Variants in KCNAB1 observed in about 807,000 individuals in gnomAD.
KCNAB1 encodes the protein voltage-gated potassium channel subunit beta-1.
KCNAB1 carries 35 observed loss-of-function variants against 64.6 expected under a neutral mutation model. The ratio of observed to expected loss-of-function variants is 0.54; its 90% CI spans 0.41 to 0.72. The LOEUF (loss-of-function observed/expected upper bound fraction) is 0.72, where lower values mean the gene tolerates loss of function less well. Ranked by LOEUF, KCNAB1 falls within the 30% of genes least tolerant of loss-of-function variation. The probability of loss-of-function intolerance (pLI) is 0.00; values close to 1 mark genes in which losing one functional copy is unlikely to be tolerated. For missense variants in KCNAB1, 401 were observed against 512.9 expected (o/e 0.78, Z 2.11); for synonymous variants, 177 against 183.8 (o/e 0.96, Z 0.30).
chr3:156,417,719 G>GAAA (rs200175870), intron 1 of KCNAB1, among the ~76,000 whole-genome samples: 3 of 130,288 alleles, frequency 2.3e-5, no homozygotes, highest in South Asian at 2.5e-4. Flanking sequence ...TGCCTTAAAA[G>GAAA]AAAAAAAAAA....
chr3:156,316,952 T>A (rs498033), intron 1 of KCNAB1, among the ~76,000 whole-genome samples: 1 of 152,084 alleles, frequency 6.6e-6, no homozygotes, highest in East Asian at 1.9e-4. Context: ...AAACCCCGTC[T>A]CAGGGTGGAG....
intron 1 of KCNAB1, among the ~76,000 whole-genome samples, chr3:156,296,850 A>C (rs1720817815): frequency 6.6e-6 from 1 of 152,238 alleles, no homozygotes; most frequent in South Asian, 2.1e-4. Context: ...AAGTTTGCAA[A>C]GAAAAGAAGT....
At chr3:156,246,024 G>A (rs940618318) in intron 1 of KCNAB1, among the ~76,000 whole-genome samples, 3 of 151,996 alleles carry the variant, frequency 2.0e-5, no homozygotes, top group Non-Finnish European at 2.9e-5. Flanking sequence ...TCTCTTCTTG[G>A]AGAGAAAAAT....
At chr3:156,370,377 C>A (rs1465159809) in intron 1 of KCNAB1, among the ~76,000 whole-genome samples, 1 of 152,192 alleles carries the variant, frequency 6.6e-6, no homozygotes, top group Non-Finnish European at 1.5e-5. Flanking sequence ...AAAGTACAAT[C>A]ACTTATAAAA....
chr3:156,298,433 C>T (rs1479257134), intron 1 of KCNAB1, among the ~76,000 whole-genome samples: 1 of 152,168 alleles, frequency 6.6e-6, no homozygotes, highest in East Asian at 1.9e-4. Flanking sequence ...TTTAGAAGTA[C>T]ACTCATTTTA....
intron 8 of KCNAB1, among the ~76,000 whole-genome samples, chr3:156,503,616 T>C (rs1047790918): frequency 1.3e-5 from 2 of 152,176 alleles, no homozygotes; most frequent in African/African-American, 4.8e-5. Flanking sequence ...ACTTGCAAGT[T>C]CTACAAATGG....
chr3:156,379,713 A>G (rs934369118), intron 1 of KCNAB1, among the ~76,000 whole-genome samples: 2 of 152,150 alleles, frequency 1.3e-5, no homozygotes, highest in African/African-American at 4.8e-5. Context: ...ATGGGACTTC[A>G]CCAGCGGGTT....
At chr3:156,253,431 T>C (rs1185214088) in intron 1 of KCNAB1, among the ~76,000 whole-genome samples, 1 of 152,138 alleles carries the variant, frequency 6.6e-6, no homozygotes, top group African/African-American at 2.4e-5. Flanking sequence ...CCTGGGCCTG[T>C]TAGGAGCAGC....
At chr3:156,147,851 C>A (rs1715130555) in intron 1 of KCNAB1, among the ~76,000 whole-genome samples, 1 of 151,872 alleles carries the variant, frequency 6.6e-6, no homozygotes, top group South Asian at 2.1e-4. Context: ...AGGACTAGAA[C>A]CCCTGTCTCT....
chr3:156,325,259 T>C (rs1246224205), intron 1 of KCNAB1, among the ~76,000 whole-genome samples: 1 of 149,852 alleles, frequency 6.7e-6, no homozygotes, highest in Admixed American at 6.6e-5. Flanking sequence ...TTTGTCTGAC[T>C]CTGGGGCTCA....
chr3:156,317,088 TG>T (rs1466995634), intron 1 of KCNAB1, among the ~76,000 whole-genome samples: 2 of 152,192 alleles, frequency 1.3e-5, no homozygotes, highest in Non-Finnish European at 2.9e-5. Context: ...TATTTGGTGG[TG>T]TTTTTCAGTT....
intron 2 of KCNAB1, chr3:156,441,234 T>C (rs112941565): frequency 1.2e-4 from 18 of 152,148 alleles, no homozygotes; most frequent in African/African-American, 4.1e-4. Context: ...TATGTACAGA[T>C]AGAACAAGAG....
At chr3:156,241,602 C>T (rs1412533361) in intron 1 of KCNAB1, among the ~76,000 whole-genome samples, 2 of 152,200 alleles carry the variant, frequency 1.3e-5, no homozygotes, top group East Asian at 3.8e-4. Flanking sequence ...GGTAGAGGGT[C>T]TGTCTCTTGG....
At chr3:156,275,742 A>C (rs552015842) in intron 1 of KCNAB1, among the ~76,000 whole-genome samples, 17 of 152,304 alleles carry the variant, frequency 1.1e-4, no homozygotes, top group African/African-American at 3.6e-4. Flanking sequence ...TCTGACCATG[A>C]GTTGCATCAA....
chr3:156,533,282 T>C (rs917141708), intron 13 of KCNAB1, among the ~76,000 whole-genome samples: 10 of 152,208 alleles, frequency 6.6e-5, no homozygotes, highest in Admixed American at 3.9e-4. Flanking sequence ...GAGGGCTTCA[T>C]GTGCCTTCAT....
intron 1 of KCNAB1, among the ~76,000 whole-genome samples, chr3:156,185,417 C>G (rs908639160): frequency 6.6e-6 from 1 of 152,220 alleles, no homozygotes; most frequent in Non-Finnish European, 1.5e-5. Flanking sequence ...AACTTTACCT[C>G]TATTCTCTTA....
intron 1 of KCNAB1, among the ~76,000 whole-genome samples, chr3:156,338,329 T>TTTTTTTTTTTTTTC (rs1723871083): frequency 8.0e-6 from 1 of 125,162 alleles, no homozygotes. Flanking sequence ...TTTTTTTTTT[T>TTTTTTTTTTTTTTC]TACAGAGTTT....
At chr3:156,458,161 G>C (rs1712594896) in intron 4 of KCNAB1, among the ~76,000 whole-genome samples, 1 of 152,198 alleles carries the variant, frequency 6.6e-6, no homozygotes, top group African/African-American at 2.4e-5. Context: ...CGCTTCTTTT[G>C]TGAAAGGAGT....
intron 1 of KCNAB1, among the ~76,000 whole-genome samples, chr3:156,286,881 T>C (rs1576679426): frequency 1.3e-5 from 2 of 152,340 alleles, no homozygotes; most frequent in South Asian, 4.1e-4. Flanking sequence ...GTAGTGTGCC[T>C]GTGTCACTTT....
Sources: gnomAD v4.1 joint callset for allele counts (sites outside exome capture counted in the v4.1 genomes callset) on GRCh38, gnomAD v4.1.1 for gene constraint, MANE v1.5 for transcripts, NCBI Gene and HGNC (gene_info 2026-07-23, HGNC 2026-07-21) for gene names.